PDGFD: variants seen among roughly 807,000 people sequenced by gnomAD.
The protein encoded by PDGFD is platelet-derived growth factor D.
A neutral mutation model predicts 44.7 loss-of-function variants in PDGFD; 30 were observed. That is an observed-to-expected ratio of 0.67 (90% CI 0.50 to 0.91). PDGFD has a LOEUF of 0.91. Among genes scored for constraint, PDGFD ranks in the 40% least tolerant of loss-of-function variants. The pLI, the probability that PDGFD is intolerant of heterozygous loss-of-function variation, is 0.00. For missense variants in PDGFD, 445 were observed against 457.8 expected (o/e 0.97, Z 0.25); for synonymous variants, 173 against 168.4 (o/e 1.03, Z -0.21).
chr11:104,037,774 T>C (rs1165139167), intron 1 of PDGFD: 1 of 1,614,192 alleles, frequency 6.2e-7, no homozygotes. Context: ...ACAGTGCTCT[T>C]TCTCCATACT....
At chr11:104,163,591 C>A (rs1188053173) in intron 1 of PDGFD, among the ~76,000 whole-genome samples, 1 of 152,022 alleles carries the variant, frequency 6.6e-6, no homozygotes, top group Non-Finnish European at 1.5e-5. Flanking sequence ...CTTATCCTAT[C>A]CCCATCAGCA....
At chr11:104,156,088 A>G (rs1427659945) in intron 1 of PDGFD, among the ~76,000 whole-genome samples, 1 of 152,218 alleles carries the variant, frequency 6.6e-6, no homozygotes, top group Non-Finnish European at 1.5e-5. Flanking sequence ...TATGTGAGGT[A>G]ATGCATGTTA....
intron 1 of PDGFD, among the ~76,000 whole-genome samples, chr11:104,122,076 T>A (rs553555683): frequency 1.3e-5 from 2 of 152,010 alleles, no homozygotes; most frequent in East Asian, 3.9e-4. Context: ...CTTAGCAGAG[T>A]TTCCCTTTTA....
chr11:103,924,817 A>T (rs905503938), intron 6 of PDGFD, among the ~76,000 whole-genome samples: 1 of 152,116 alleles, frequency 6.6e-6, no homozygotes, highest in Non-Finnish European at 1.5e-5. Flanking sequence ...GACACTTTTT[A>T]AAAATTATTA....
chr11:103,990,404 G>A (rs1382131670), intron 3 of PDGFD, among the ~76,000 whole-genome samples: 1 of 152,150 alleles, frequency 6.6e-6, no homozygotes, highest in African/African-American at 2.4e-5. Context: ...GCTGGAATGG[G>A]CTCCATACTA....
rs549969064 is a variant in PDGFD at position 104,125,366 on chromosome 11, A to G, written c.124+38438T>C. 1.6e-3 allele frequency among the ~76,000 whole-genome samples: 243 copies of G among 152,274 alleles called. 1 individual carries two copies. The highest frequency in any genetic ancestry group is 3.1e-3 in the Non-Finnish European group (213 of 68,016). On this transcript the variant is annotated intron_variant, in intron 1 of 6. Coordinates refer to ENST00000393158, the MANE Select transcript of PDGFD (RefSeq NM_025208.5). ...GTTGGTTTGTGGATCAAAAGAAACA[A>G]TACATATAAAGGGCTTCAAATAATT...
intron 1 of PDGFD, among the ~76,000 whole-genome samples, chr11:104,082,827 C>G (rs60758658): frequency 0.013 from 1,969 of 152,110 alleles, 30 homozygotes; most frequent in African/African-American, 0.045. Flanking sequence ...AGACAGGGTC[C>G]AGGCTAGTCT....
intron 6 of PDGFD, among the ~76,000 whole-genome samples, chr11:103,911,892 C>T (rs1001568228): frequency 2.0e-5 from 3 of 151,548 alleles, no homozygotes; most frequent in African/African-American, 7.3e-5. Context: ...GATTGAAGAT[C>T]AAATTAATAA....
At chr11:104,007,631 A>G (rs1859723950) in intron 1 of PDGFD, among the ~76,000 whole-genome samples, 1 of 152,208 alleles carries the variant, frequency 6.6e-6, no homozygotes, top group African/African-American at 2.4e-5. Flanking sequence ...AGCATGACTG[A>G]TAGTGACAAA....
intron 6 of PDGFD, among the ~76,000 whole-genome samples, chr11:103,916,839 A>C (rs111965174): frequency 4.5e-4 from 69 of 152,348 alleles, no homozygotes; most frequent in African/African-American, 1.6e-3. Context: ...ACACAAGAAC[A>C]GAAAACCCAA....
At chr11:104,086,606 T>C (rs1274997884) in intron 1 of PDGFD, among the ~76,000 whole-genome samples, 2 of 152,244 alleles carry the variant, frequency 1.3e-5, no homozygotes, top group Non-Finnish European at 2.9e-5. Flanking sequence ...CTACCTTAGT[T>C]AGAAATAAAC....
At chr11:104,126,900 A>C in intron 1 of PDGFD, among the ~76,000 whole-genome samples, 1 of 115,342 alleles carries the variant, frequency 8.7e-6, no homozygotes, top group South Asian at 2.6e-4. Flanking sequence ...GTAAAAAATT[A>C]CATGAGCTCT....
chr11:103,974,887 G>T (rs1478664891), intron 3 of PDGFD, among the ~76,000 whole-genome samples: 1 of 152,168 alleles, frequency 6.6e-6, no homozygotes, highest in Admixed American at 6.5e-5. Flanking sequence ...TCTTTATCCA[G>T]TCTATCATTG....
intron 6 of PDGFD, among the ~76,000 whole-genome samples, chr11:103,918,104 A>G (rs1858155756): frequency 6.6e-6 from 1 of 152,196 alleles, no homozygotes; most frequent in Non-Finnish European, 1.5e-5. Context: ...TTGTCAGTAC[A>G]AAGTTGGCAG....
rs995268276 is a variant in PDGFD, at chr11:103,908,538, T to G, written c.*1156A>C. 1 of 152,222 alleles carries G rather than the reference T, an allele frequency of 6.6e-6. No individual in the cohort carries two copies. The highest frequency in any genetic ancestry group is 2.4e-5 in the African/African-American group (1 of 41,464). 9.4% of individuals were successfully genotyped at this position (152,222 alleles called of 1,614,324 possible). On this transcript the variant is annotated 3_prime_UTR_variant, in exon 7 of 7. Coordinates refer to ENST00000393158, the MANE Select transcript of PDGFD (RefSeq NM_025208.5). ...AATTTACATTAATAAAATGTGATTTTTTTGATACACAAAAGCTTTTAGGTT... is the reference window on the plus strand; with the variant it reads ...AATTTACATTAATAAAATGTGATTTGTTTGATACACAAAAGCTTTTAGGTT...
At chr11:104,134,219 T>C (rs989761754) in intron 1 of PDGFD, among the ~76,000 whole-genome samples, 3 of 129,256 alleles carry the variant, frequency 2.3e-5, no homozygotes, top group Non-Finnish European at 5.0e-5. Context: ...TGCAATGCCA[T>C]CTTTGGAGTA....
chr11:104,118,717 TTA>T (rs146822671), intron 1 of PDGFD, among the ~76,000 whole-genome samples: 7 of 115,050 alleles, frequency 6.1e-5, no homozygotes, highest in Non-Finnish European at 1.0e-4. Context: ...TTATATATTA[TTA>T]TGTTATTAAT....
intron 1 of PDGFD, among the ~76,000 whole-genome samples, chr11:104,007,746 C>G (rs978674911): frequency 1.3e-5 from 2 of 152,166 alleles, no homozygotes; most frequent in Admixed American, 6.5e-5. Context: ...GTTTCATGAT[C>G]CTATAATATG....
intron 1 of PDGFD, among the ~76,000 whole-genome samples, chr11:104,073,520 T>C (rs943567063): frequency 7.9e-5 from 12 of 152,214 alleles, no homozygotes; most frequent in African/African-American, 2.4e-4. Context: ...AGACACAGGA[T>C]ATTGTAAGGC....
Sources: gnomAD v4.1 joint callset for allele counts (sites outside exome capture counted in the v4.1 genomes callset) on GRCh38, gnomAD v4.1.1 for gene constraint, MANE v1.5 for transcripts, NCBI Gene and HGNC (gene_info 2026-07-23, HGNC 2026-07-21) for gene names.